Variants in TBC1D23 observed in about 807,000 individuals in gnomAD.
TBC1D23 encodes the protein HCV non-structural protein 4A-transactivated protein 1.
TBC1D23 carries 55 observed loss-of-function variants against 91.4 expected under a neutral mutation model. The observed-to-expected ratio is 0.60, with a 90% confidence interval of 0.48 to 0.75. The LOEUF (loss-of-function observed/expected upper bound fraction) is 0.75. Ranked by LOEUF, TBC1D23 falls within the 30% of genes least tolerant of loss-of-function variation. TBC1D23 has a pLI of 0.00. For synonymous variants in TBC1D23, 289 were observed against 281.0 expected (o/e 1.03, Z -0.28); for missense variants, 725 against 836.1 (o/e 0.87, Z 1.64).
Position 100,295,164 on chromosome 3 carries a change from T to G in TBC1D23, c.678T>G (p.Asp226Glu). ...AIWDGYLQQA[D>E]PFFIYFLMLI... ...GGGATGGATATCTACAACAAGCAGA[T>G]CCATTTTTTATTTATTTCTTAATGT... Residue 226 changes from aspartate to glutamate, a missense_variant, in exon 6 of 19, where the codon GAT (aspartate) becomes GAG (glutamate). By Grantham distance (45) the Asp-to-Glu change is conservative. Coordinates refer to ENST00000394144, the MANE Select transcript of TBC1D23 (RefSeq NM_001199198.3). 6.2e-7 allele frequency: 1 copy of G among 1,605,960 alleles called. No homozygotes were observed. The highest frequency in any genetic ancestry group is 2.2e-5 in the East Asian group (1 of 44,754).
chr3:100,306,670 A>G, intron 13 of TBC1D23, 127 bp downstream of exon 13: 1 of 562,224 alleles, frequency 1.8e-6, no homozygotes, highest in Admixed American at 3.2e-5. Context: ...GAAGAGTCAT[A>G]TTATTGTGAG....
chr3:100,269,295 C>T (rs2067582768), intron 1 of TBC1D23, among the ~76,000 whole-genome samples: 1 of 152,128 alleles, frequency 6.6e-6, no homozygotes, highest in African/African-American at 2.4e-5. Context: ...GGGAATCTCC[C>T]AAAGCTGTTT....
At chr3:100,293,188 C>A (rs531462731) in intron 5 of TBC1D23, among the ~76,000 whole-genome samples, 1 of 152,122 alleles carries the variant, frequency 6.6e-6, no homozygotes, top group Non-Finnish European at 1.5e-5. Flanking sequence ...GACTGGAGTG[C>A]AGTGGCATGA....
At chr3:100,261,370 G>A (rs1055291320) in intron 1 of TBC1D23, 4 of 438,646 alleles carry the variant, frequency 9.1e-6, no homozygotes, top group African/African-American at 6.1e-5. Context: ...CTTCAGGGCT[G>A]GGTTTGGCCG....
intron 2 of TBC1D23, 107 bp from the exon 3 acceptor site, chr3:100,281,635 T>G: frequency 1.5e-6 from 1 of 675,934 alleles, no homozygotes; most frequent in Non-Finnish European, 2.6e-6. Flanking sequence ...ACCTTAATTG[T>G]AATCTTTGTT....
chr3:100,293,061 G>A (rs1250989473), intron 5 of TBC1D23, among the ~76,000 whole-genome samples: 2 of 152,160 alleles, frequency 1.3e-5, no homozygotes, highest in African/African-American at 4.8e-5. Context: ...CTGATAGCTG[G>A]AGGTTTAAAC....
At position 100,290,579 on chromosome 3, in the gene TBC1D23, GA is replaced by G; in HGVS notation, c.479del (p.Asp160ValfsTer74). ...YAIMNKYIPR[D>X]CSQKGRPFHL... ...AATTTTGCTTCTCTTGTCTTCTAGG[GA>G]TTGTTCCCAGAAAGGGAGACCATTT... On this transcript the variant is annotated frameshift_variant and splice_region_variant, in exon 5 of 19. Coordinates refer to ENST00000394144, the MANE Select transcript of TBC1D23 (RefSeq NM_001199198.3). LOFTEE classifies it high-confidence loss of function. 1 of 1,613,196 alleles carries G rather than the reference GA, an allele frequency of 6.2e-7. No homozygotes were observed. The highest frequency in any genetic ancestry group is 8.5e-7 in the Non-Finnish European group (1 of 1,179,684).
chr3:100,304,208 C>T (rs1374074550), intron 11 of TBC1D23, among the ~76,000 whole-genome samples: 1 of 152,110 alleles, frequency 6.6e-6, no homozygotes, highest in African/African-American at 2.4e-5. Context: ...TTGCTGATTA[C>T]ATTCACATGG....
chr3:100,297,172 G>A (rs1220942987), intron 8 of TBC1D23, among the ~76,000 whole-genome samples: 1 of 152,122 alleles, frequency 6.6e-6, no homozygotes, highest in Non-Finnish European at 1.5e-5. Flanking sequence ...GCCCATGAGA[G>A]CACCTTTTTT....
chr3:100,272,042 G>C (rs1576158371), intron 1 of TBC1D23, among the ~76,000 whole-genome samples: 1 of 152,120 alleles, frequency 6.6e-6, no homozygotes, highest in East Asian at 1.9e-4. Flanking sequence ...CCATCCACAG[G>C]GAGTATGGGG....
chr3:100,296,286 A>G lies in TBC1D23; in HGVS notation c.876+11A>G. The G allele has an allele frequency of 1.4e-6, 2 of 1,410,926 alleles. No individual in the cohort carries two copies. Among genetic ancestry groups the G allele is most frequent in the East Asian group, 2.3e-5 (1 of 43,634 alleles). The allele number at this position is 1,410,926 out of a possible 1,614,324, so 87.4% of individuals were successfully genotyped here. On this transcript the variant is annotated intron_variant, in intron 8 of 18. Coordinates refer to ENST00000394144, the MANE Select transcript of TBC1D23 (RefSeq NM_001199198.3). ...GCTTCTTTTAGGAAGGTATAAGACC[A>G]GAAATGACCAACTATGTTGTATTTC... is the stretch of plus-strand genomic sequence containing the variant.
At chr3:100,267,242 A>C in intron 1 of TBC1D23, 1 of 452,342 alleles carries the variant, frequency 2.2e-6, no homozygotes, top group Non-Finnish European at 4.4e-6. Context: ...TTACAGATGG[A>C]AAGCAGGTAA....
chr3:100,265,306 G>C (rs2067549146), intron 1 of TBC1D23, among the ~76,000 whole-genome samples: 1 of 152,184 alleles, frequency 6.6e-6, no homozygotes, highest in African/African-American at 2.4e-5. Flanking sequence ...GGAATTGTCT[G>C]TTGGTATAAT....
chr3:100,299,388 A>G (rs916549197), intron 10 of TBC1D23, 57 bp downstream of exon 10: 2 of 1,072,916 alleles, frequency 1.9e-6, no homozygotes, highest in Non-Finnish European at 2.8e-6. Flanking sequence ...TTCAGTTCAT[A>G]AATAAATATA....
At chr3:100,262,558 C>G (rs2067520274) in intron 1 of TBC1D23, among the ~76,000 whole-genome samples, 1 of 151,910 alleles carries the variant, frequency 6.6e-6, no homozygotes, top group Non-Finnish European at 1.5e-5. Context: ...AACCCCGTCT[C>G]TACTAAGAAT....
At chr3:100,283,585 A>C (rs1226194530) in intron 3 of TBC1D23, 22 bp from the exon 4 acceptor site, 1 of 1,596,810 alleles carries the variant, frequency 6.3e-7, no homozygotes, top group East Asian at 2.2e-5. Flanking sequence ...CAGTAACTTT[A>C]TTTTTAACAT....
chr3:100,310,363 G>A, intron 13 of TBC1D23, 40 bp from the exon 14 acceptor site: 1 of 1,574,822 alleles, frequency 6.3e-7, no homozygotes, highest in African/African-American at 1.4e-5. Flanking sequence ...ATGTCTTTTA[G>A]TCATTCAGAG....
intron 1 of TBC1D23, among the ~76,000 whole-genome samples, chr3:100,274,587 CT>C (rs1368308781): frequency 2.6e-5 from 4 of 151,816 alleles, no homozygotes; most frequent in Non-Finnish European, 5.9e-5. Flanking sequence ...TCCCTCTGCC[CT>C]GGTAACCGCT....
intron 11 of TBC1D23, among the ~76,000 whole-genome samples, chr3:100,303,628 G>A (rs190425953): frequency 6.6e-6 from 1 of 152,090 alleles, no homozygotes; most frequent in African/African-American, 2.4e-5. Flanking sequence ...AATATTAACT[G>A]TGTGTGGATG....
Sources: gnomAD v4.1 joint callset for allele counts (sites outside exome capture counted in the v4.1 genomes callset) on GRCh38, gnomAD v4.1.1 for gene constraint, MANE v1.5 for transcripts, NCBI Gene and HGNC (gene_info 2026-07-23, HGNC 2026-07-21) for gene names.